DAB1: variants seen among roughly 807,000 people sequenced by gnomAD.
The protein encoded by DAB1 is disabled homolog 1.
A neutral mutation model predicts 64.6 loss-of-function variants in DAB1; 15 were observed. That is an observed-to-expected ratio of 0.23 (90% CI 0.16 to 0.36). DAB1 has a LOEUF of 0.36. Among genes scored for constraint, DAB1 ranks in the 10% least tolerant of loss-of-function variants. The probability of loss-of-function intolerance (pLI) is 1.00; values close to 1 mark genes in which losing one functional copy is unlikely to be tolerated. For missense variants in DAB1, 596 were observed against 706.7 expected (o/e 0.84, Z 1.78); for synonymous variants, 235 against 251.9 (o/e 0.93, Z 0.64).
intron 2 of DAB1, among the ~76,000 whole-genome samples, chr1:58,517,370 T>C (rs1370891167): frequency 6.6e-6 from 1 of 152,250 alleles, no homozygotes; most frequent in Non-Finnish European, 1.5e-5. Context: ...ATTCCTGGAA[T>C]AAGCCATTGT....
At chr1:57,685,658 T>G (rs542285110) in intron 6 of DAB1, among the ~76,000 whole-genome samples, 1 of 152,234 alleles carries the variant, frequency 6.6e-6, no homozygotes, top group African/African-American at 2.4e-5. Flanking sequence ...ACAAACTTGG[T>G]CATAAAGCAA....
chr1:57,895,647 C>CT (rs1644381895), intron 5 of DAB1, among the ~76,000 whole-genome samples: 1 of 152,110 alleles, frequency 6.6e-6, no homozygotes, highest in Non-Finnish European at 1.5e-5. Context: ...CATTTTAAAC[C>CT]TTTTTGTATT....
chr1:58,270,613 C>T (rs1338693766), intron 4 of DAB1, among the ~76,000 whole-genome samples: 7 of 40,068 alleles, frequency 1.7e-4, no homozygotes, highest in African/African-American at 6.4e-4. Flanking sequence ...TTACCTTGGG[C>T]AGTATGGCCA....
chr1:57,175,049 G>A (rs1447913568), intron 2 of DAB1, among the ~76,000 whole-genome samples: 3 of 152,162 alleles, frequency 2.0e-5, no homozygotes, highest in East Asian at 3.9e-4. Context: ...AGAAGGACGC[G>A]ACATTTTGGT....
intron 1 of DAB1, among the ~76,000 whole-genome samples, chr1:57,378,564 G>A (rs1462698286): frequency 6.6e-6 from 1 of 152,184 alleles, no homozygotes; most frequent in African/African-American, 2.4e-5. Context: ...AGCTGTATAA[G>A]ATATTAAGTT....
At chr1:58,187,127 A>G (rs965021939) in intron 4 of DAB1, among the ~76,000 whole-genome samples, 4 of 152,072 alleles carry the variant, frequency 2.6e-5, no homozygotes, top group African/African-American at 9.7e-5. Context: ...CTGCGTCCCA[A>G]ACATAGTCAG....
intron 1 of DAB1, among the ~76,000 whole-genome samples, chr1:57,833,762 C>T (rs1335220234): frequency 6.6e-6 from 1 of 152,140 alleles, no homozygotes; most frequent in Non-Finnish European, 1.5e-5. Flanking sequence ...ATACCCAAAA[C>T]ATCATTTGGC....
chr1:58,505,842 A>G (rs1645979822), intron 3 of DAB1, among the ~76,000 whole-genome samples: 1 of 152,238 alleles, frequency 6.6e-6, no homozygotes, highest in East Asian at 1.9e-4. Flanking sequence ...TTCACTATTA[A>G]GAAAAGTCAA....
At chr1:57,081,695 A>C (rs907753372) in intron 4 of DAB1, among the ~76,000 whole-genome samples, 66 of 152,306 alleles carry the variant, frequency 4.3e-4, no homozygotes, top group African/African-American at 1.5e-3. Context: ...AGGAGGAAAC[A>C]GGCTCAAAGA....
At chr1:57,430,468 C>T (rs1379862431) in intron 7 of DAB1, among the ~76,000 whole-genome samples, 6 of 151,906 alleles carry the variant, frequency 3.9e-5, no homozygotes, top group African/African-American at 9.7e-5. Flanking sequence ...CTCCGCCTCC[C>T]GGGTTCACGC....
chr1:57,033,143 T>G (rs1647017361), intron 9 of DAB1, among the ~76,000 whole-genome samples: 1 of 150,952 alleles, frequency 6.6e-6, no homozygotes, highest in Admixed American at 6.6e-5. Flanking sequence ...GAAGGGGTGC[T>G]ATCTCCTCTC....
intron 7 of DAB1, among the ~76,000 whole-genome samples, chr1:57,516,906 A>T (rs1293009823): frequency 2.0e-5 from 3 of 152,218 alleles, no homozygotes; most frequent in Admixed American, 6.5e-5. Flanking sequence ...TTTATCAAGA[A>T]CCCTACTAAG....
At chr1:58,196,718 T>TC (rs1461068327) in intron 4 of DAB1, among the ~76,000 whole-genome samples, 3 of 152,220 alleles carry the variant, frequency 2.0e-5, no homozygotes, top group Non-Finnish European at 4.4e-5. Context: ...AAACTGCCAC[T>TC]TATAAACCAT....
intron 4 of DAB1, among the ~76,000 whole-genome samples, chr1:58,285,252 G>A (rs1331146550): frequency 6.6e-6 from 1 of 152,144 alleles, no homozygotes; most frequent in East Asian, 1.9e-4. Context: ...CACAAGACAG[G>A]ATGCCTTCTC....
chr1:57,221,797 C>G (rs914526219), intron 2 of DAB1, among the ~76,000 whole-genome samples: 5 of 152,054 alleles, frequency 3.3e-5, no homozygotes, highest in African/African-American at 1.2e-4. Context: ...TTGCAAAATG[C>G]CCCAAGACAT....
chr1:57,121,787 G>A (rs1395940468), intron 4 of DAB1, among the ~76,000 whole-genome samples: 1 of 152,028 alleles, frequency 6.6e-6, no homozygotes, highest in African/African-American at 2.4e-5. Flanking sequence ...GGCTAGGAAG[G>A]TGGTGGGCAA....
intron 5 of DAB1, among the ~76,000 whole-genome samples, chr1:58,067,742 A>G (rs1648942941): frequency 1.3e-5 from 2 of 152,208 alleles, no homozygotes; most frequent in African/African-American, 2.4e-5. Context: ...AGCCATACGT[A>G]TACTAGCTGG....
chr1:57,605,989 C>T (rs1570667376), intron 7 of DAB1: 3 of 671,232 alleles, frequency 4.5e-6, no homozygotes, highest in East Asian at 2.9e-5. Flanking sequence ...TGTCTTAGAA[C>T]CTTCACCACA....
intron 4 of DAB1, among the ~76,000 whole-genome samples, chr1:58,201,364 C>G (rs1244311563): frequency 6.6e-6 from 1 of 152,118 alleles, no homozygotes; most frequent in East Asian, 1.9e-4. Context: ...TGACAAGTGC[C>G]CTTTCAGAAT....
Sources: allele counts gnomAD v4.1 joint callset (sites outside exome capture counted in the v4.1 genomes callset), GRCh38; gene constraint gnomAD v4.1.1; transcripts MANE v1.5; gene names NCBI Gene and HGNC (gene_info 2026-07-23, HGNC 2026-07-21).